The following RFX3 variants were observed in gnomAD, a reference collection of about 807,000 sequenced individuals.
The protein encoded by RFX3 is transcription factor RFX3.
A neutral mutation model predicts 98.6 loss-of-function variants in RFX3; 14 were observed. The ratio of observed to expected loss-of-function variants is 0.14; its 90% confidence interval spans 0.09 to 0.22. RFX3 has a LOEUF of 0.22. Among genes scored for constraint, RFX3 ranks in the 10% least tolerant of loss-of-function variants. The pLI is 1.00. For missense variants in RFX3, 639 were observed against 926.9 expected, an observed-to-expected ratio of 0.69 and a Z score of 4.03; for synonymous variants, 383 against 328.4, an observed-to-expected ratio of 1.17 and a Z score of -1.80.
At chr9:3,500,768 TGAG>T (rs1281354416) in intron 1 of RFX3, among the ~76,000 whole-genome samples, 1 of 152,172 alleles carries the variant, frequency 6.6e-6, no homozygotes, top group African/African-American at 2.4e-5. Flanking sequence ...CAGATTCTAC[TGAG>T]GAGTATACTA....
At chr9:3,310,956 C>G (rs1031744308) in intron 4 of RFX3, among the ~76,000 whole-genome samples, 5 of 151,992 alleles carry the variant, frequency 3.3e-5, no homozygotes, top group Admixed American at 3.3e-4. Flanking sequence ...TAAATATGAT[C>G]GATAAACGTT....
chr9:3,420,889 C>CAT, intron 1 of RFX3: 3 of 984,970 alleles, frequency 3.0e-6, no homozygotes, highest in Non-Finnish European at 3.6e-6. Flanking sequence ...CCAAAGATAT[C>CAT]CTTGGGTCAA....
intron 15 of RFX3, among the ~76,000 whole-genome samples, chr9:3,240,064 G>C (rs1409271492): frequency 6.6e-6 from 1 of 152,224 alleles, no homozygotes; most frequent in African/African-American, 2.4e-5. Context: ...ATAAGATGGG[G>C]AGTGATGAAG....
intron 1 of RFX3, among the ~76,000 whole-genome samples, chr9:3,421,881 T>C (rs1364966824): frequency 1.3e-5 from 2 of 152,144 alleles, no homozygotes; most frequent in African/African-American, 4.8e-5. Flanking sequence ...TAGCAGGCAA[T>C]TTCATTCCAA....
chr9:3,339,888 A>C (rs1833665403), intron 3 of RFX3, among the ~76,000 whole-genome samples: 1 of 152,096 alleles, frequency 6.6e-6, no homozygotes, highest in Non-Finnish European at 1.5e-5. Context: ...TCTTCACAGA[A>C]TTGGAAAAAA....
chr9:3,452,600 A>G (rs1320007362), intron 1 of RFX3, among the ~76,000 whole-genome samples: 2 of 152,176 alleles, frequency 1.3e-5, no homozygotes, highest in African/African-American at 4.8e-5. Flanking sequence ...AATTCATGTT[A>G]ACACCATATT....
At chr9:3,478,118 C>T (rs1321442550) in intron 1 of RFX3, among the ~76,000 whole-genome samples, 1 of 152,058 alleles carries the variant, frequency 6.6e-6, no homozygotes, top group East Asian at 1.9e-4. Context: ...TTAAAGACTA[C>T]AAAGTCTAAA....
At chr9:3,472,040 G>A (rs919221027) in intron 1 of RFX3, among the ~76,000 whole-genome samples, 16 of 152,044 alleles carry the variant, frequency 1.1e-4, no homozygotes, top group Non-Finnish European at 2.1e-4. Flanking sequence ...GTCTTTTTTT[G>A]GACTTTATCA....
At chr9:3,229,687 G>A (rs1448618422) in intron 15 of RFX3, among the ~76,000 whole-genome samples, 1 of 152,156 alleles carries the variant, frequency 6.6e-6, no homozygotes, top group East Asian at 1.9e-4. Context: ...AAACTGCAAA[G>A]CATCTACTTT....
At chr9:3,389,861 T>C (rs1840113151) in intron 2 of RFX3, among the ~76,000 whole-genome samples, 1 of 152,122 alleles carries the variant, frequency 6.6e-6, no homozygotes, top group Admixed American at 6.6e-5. Context: ...TTCCCAGGCA[T>C]TTCAGGTAAG....
chr9:3,402,879 G>C (rs1225706353), intron 1 of RFX3, among the ~76,000 whole-genome samples: 4 of 151,668 alleles, frequency 2.6e-5, no homozygotes, highest in South Asian at 4.1e-4. Flanking sequence ...AGCTATTCTG[G>C]AGTAGATAAT....
rs1428069787 is a variant in RFX3 at position 3,237,016 on chromosome 9, T to C, written c.1969-8127A>G. Among the ~76,000 whole-genome samples the C allele has an allele frequency of 2.6e-5, 4 of 152,324 alleles. No individual in the cohort carries two copies. The South Asian group carries it at 6.2e-4, about 24-fold the overall frequency. ...TCTATCTTGTGGCTGGAATAAGATA[T>C]CTCTTTGGGAAGCAACCTTTTAACT... On this transcript the variant is annotated intron_variant, in intron 15 of 16. Coordinates refer to ENST00000617270, the MANE Select transcript of RFX3 (RefSeq NM_001282116.2).
At chr9:3,387,844 C>T (rs1159662687) in intron 2 of RFX3, among the ~76,000 whole-genome samples, 1 of 152,058 alleles carries the variant, frequency 6.6e-6, no homozygotes, top group East Asian at 1.9e-4. Context: ...GAATTCTATT[C>T]ATGTCCATCA....
intron 1 of RFX3, among the ~76,000 whole-genome samples, chr9:3,456,821 C>A (rs1405316708): frequency 2.0e-5 from 3 of 152,010 alleles, no homozygotes; most frequent in African/African-American, 7.3e-5. Context: ...CTACTCAAGT[C>A]CTCACAAGTC....
At chr9:3,418,676 G>A (rs747542379) in intron 1 of RFX3, among the ~76,000 whole-genome samples, 2 of 152,008 alleles carry the variant, frequency 1.3e-5, no homozygotes, top group Non-Finnish European at 1.5e-5. Context: ...CTCTGTGCCC[G>A]GCCAAATACT....
At chr9:3,370,102 G>A (rs1377890397) in intron 2 of RFX3, among the ~76,000 whole-genome samples, 30 of 147,148 alleles carry the variant, frequency 2.0e-4, no homozygotes, top group Admixed American at 1.8e-3. Flanking sequence ...CGGCCTCCCA[G>A]AGTGCTGGGA....
rs931224520 is a variant in RFX3, at chr9:3,225,193, C to T, written c.2099G>A (p.Ser700Asn). ...CATGCAGCCCACTGGAAATGCCTGG[C>T]TCAGCTCTGTTTTCTCTCTTTTGGC... ...PQAKREKTEL[S>N]QAFPVGCMQP... The change falls in exon 17 of 17, where the codon AGC becomes AAC. Residue 700 changes from serine to asparagine, a missense_variant. By Grantham distance (46) the Ser-to-Asn change is conservative. Around this residue, in one of 9 missense-constraint regions of RFX3, gnomAD observed 129 missense variants for 124.6 expected, o/e 1.04. Coordinates refer to ENST00000617270, the MANE Select transcript of RFX3 (RefSeq NM_001282116.2). 1 of 1,613,912 alleles carries T rather than the reference C, an allele frequency of 6.2e-7. No homozygotes were observed. The highest frequency in any genetic ancestry group is 1.1e-5 in the South Asian group (1 of 91,086).
At chr9:3,429,122 A>T (rs567752974) in intron 1 of RFX3, among the ~76,000 whole-genome samples, 2 of 148,942 alleles carry the variant, frequency 1.3e-5, no homozygotes, top group Non-Finnish European at 3.0e-5. Flanking sequence ...TCCCGGGTTC[A>T]TGCCATTCTC....
intron 7 of RFX3, among the ~76,000 whole-genome samples, chr9:3,283,787 C>A (rs1043737438): frequency 6.6e-6 from 1 of 151,694 alleles, no homozygotes; most frequent in African/African-American, 2.4e-5. Flanking sequence ...TGGCACATTT[C>A]CTCAGTTACT....
Sources: allele counts gnomAD v4.1 joint callset (sites outside exome capture counted in the v4.1 genomes callset), GRCh38; gene constraint gnomAD v4.1.1; regional missense constraint gnomAD v4.1.1; transcripts MANE v1.5; gene names NCBI Gene and HGNC (gene_info 2026-07-23, HGNC 2026-07-21).